Variants in CDK13 observed in about 807,000 individuals in gnomAD.
The protein encoded by CDK13 is cyclin dependent kinase 13, also known as cyclin-dependent kinase 13.
In CDK13, 40 loss-of-function variants were observed where a neutral mutation model predicts 137.6. The observed-to-expected ratio is 0.29, with a 90% CI of 0.23 to 0.38. The LOEUF is 0.38. Ranked by LOEUF, CDK13 falls within the 10% of genes least tolerant of loss-of-function variation. CDK13 has a pLI of 1.00. For synonymous variants in CDK13, 869 were observed against 760.1 expected (o/e 1.14, Z -2.36); for missense variants, 1,704 against 1,951.8 (o/e 0.87, Z 2.39).
chr7:40,059,767 G>T (rs1381424941), intron 7 of CDK13, among the ~76,000 whole-genome samples: 1 of 152,118 alleles, frequency 6.6e-6, no homozygotes, highest in Non-Finnish European at 1.5e-5. Flanking sequence ...TTAGAGTGTG[G>T]TACTTTTTGT....
intron 7 of CDK13, among the ~76,000 whole-genome samples, chr7:40,058,410 C>T (rs897462592): frequency 2.6e-5 from 4 of 151,970 alleles, no homozygotes; most frequent in Admixed American, 1.3e-4. Flanking sequence ...CATGGTGGTG[C>T]ATGCCTGTAA....
intron 5 of CDK13, among the ~76,000 whole-genome samples, chr7:40,040,866 G>A (rs1323999474): frequency 2.0e-5 from 3 of 151,878 alleles, no homozygotes; most frequent in Non-Finnish European, 4.4e-5. Context: ...ATGGCTCTCC[G>A]GAGGCCAAAA....
intron 12 of CDK13, among the ~76,000 whole-genome samples, chr7:40,091,163 G>C (rs1786913272): frequency 6.6e-6 from 1 of 151,916 alleles, no homozygotes; most frequent in Non-Finnish European, 1.5e-5. Flanking sequence ...GGCTAACACG[G>C]TGAAATCCCA....
intron 5 of CDK13, among the ~76,000 whole-genome samples, chr7:40,020,325 G>A (rs186405793): frequency 3.0e-4 from 46 of 152,160 alleles, no homozygotes; most frequent in Admixed American, 5.2e-4. Flanking sequence ...ACCTCCTCCC[G>A]GCAAAGCTCT....
chr7:40,055,665 G>A (rs1786001728), intron 7 of CDK13, among the ~76,000 whole-genome samples: 1 of 149,214 alleles, frequency 6.7e-6, no homozygotes, highest in South Asian at 2.1e-4. Flanking sequence ...TGCAACCTCT[G>A]CCTCCTGGGT....
intron 5 of CDK13, among the ~76,000 whole-genome samples, chr7:40,043,030 G>A (rs1023095776): frequency 1.3e-5 from 2 of 152,128 alleles, no homozygotes; most frequent in Non-Finnish European, 2.9e-5. Flanking sequence ...CTCTCGCCCC[G>A]ATCTCCCAAA....
In CDK13 at chr7:39,951,827, C is replaced by T. The variant is rs2116073754; in HGVS notation, c.1186C>T (p.Arg396Cys). The T allele has an allele frequency of 2.1e-6, 3 of 1,456,264 alleles. No individual in the cohort carries two copies. The highest frequency in any genetic ancestry group is 2.7e-6 in the Non-Finnish European group (3 of 1,113,708). The allele number at this position is 1,456,264 out of a possible 1,614,324, so 90.2% of individuals were successfully genotyped here. A position where few individuals can be genotyped will look rare whatever the true frequency, so the allele number is the denominator to read the frequency against. ...CAGCAGCAGCAGCTGGCGCCGCTCT[C>T]GCAGTCCCTACAGCCCTGTGCTCAG... ...PYSSSSWRRS[R>C]SPYSPVLRRS... The change falls in exon 1 of 14, where the codon CGC becomes TGC. Residue 396 changes from arginine to cysteine, a missense_variant. This residue lies in a region of CDK13 where 1,051 missense variants were observed against 931.0 expected (regional missense o/e 1.13). Coordinates refer to ENST00000181839, the MANE Select transcript of CDK13 (RefSeq NM_003718.5).
chr7:39,996,660 T>C (rs1562719086), intron 2 of CDK13, among the ~76,000 whole-genome samples: 1 of 152,168 alleles, frequency 6.6e-6, no homozygotes, highest in Non-Finnish European at 1.5e-5. Context: ...CTTTTATTTC[T>C]TACGGTAAAA....
At chr7:40,030,160 A>G (rs890520918) in intron 5 of CDK13, among the ~76,000 whole-genome samples, 1 of 152,088 alleles carries the variant, frequency 6.6e-6, no homozygotes, top group African/African-American at 2.4e-5. Flanking sequence ...TATAGCCACT[A>G]TACACTATAT....
chr7:39,953,774 C>G (rs1442362701), intron 1 of CDK13, among the ~76,000 whole-genome samples: 1 of 152,166 alleles, frequency 6.6e-6, no homozygotes, highest in East Asian at 1.9e-4. Flanking sequence ...TTTAGGGTGT[C>G]TTGGCTAACA....
rs1310831190 is a variant in CDK13, at chr7:40,098,402, A to G, written c.*3422A>G. 6.6e-6 allele frequency: 1 copy of G among 151,692 alleles called. No individual in the cohort carries two copies. The highest frequency in any genetic ancestry group is 1.5e-5 in the Non-Finnish European group (1 of 67,906). The allele number at this position is 151,692 out of a possible 1,614,324, so 9.4% of individuals were successfully genotyped here. On this transcript the variant is annotated 3_prime_UTR_variant, in exon 14 of 14. Coordinates refer to ENST00000181839, the MANE Select transcript of CDK13 (RefSeq NM_003718.5). ...TTTTATTTTTTCTTTTTTTAGGGGA[A>G]GGGGACTTGCTTTCTTTTCCAAAAA...
chr7:40,063,811 C>T (rs955509068), intron 9 of CDK13, among the ~76,000 whole-genome samples: 5 of 151,866 alleles, frequency 3.3e-5, no homozygotes, highest in African/African-American at 1.2e-4. Flanking sequence ...GTGCCCACCA[C>T]CATGCCCAGC....
chr7:40,016,019 T>C (rs1461797826), intron 5 of CDK13, among the ~76,000 whole-genome samples: 1 of 152,192 alleles, frequency 6.6e-6, no homozygotes, highest in Non-Finnish European at 1.5e-5. Flanking sequence ...ACTGTTGAGA[T>C]TGAGATAACT....
rs991565634 is a variant in CDK13, at chr7:40,001,279, G to T, written c.2183-582G>T. On this transcript the variant is annotated intron_variant, in intron 4 of 13. Coordinates refer to ENST00000181839, the MANE Select transcript of CDK13 (RefSeq NM_003718.5). ...TGCCAGGGCTGGAGTGCAGAGTGCA[G>T]TGGCGTGTCGTGATCTTGGCTCACT... 7.9e-5 allele frequency among the ~76,000 whole-genome samples: 12 copies of T among 151,242 alleles called. No homozygotes were observed. In the East Asian group the frequency reaches 2.3e-3, roughly 29 times the overall value.
At chr7:40,002,589 G>A (rs528005695) in intron 5 of CDK13, among the ~76,000 whole-genome samples, 33 of 152,132 alleles carry the variant, frequency 2.2e-4, no homozygotes, top group Non-Finnish European at 3.4e-4. Flanking sequence ...TCTACTGTTG[G>A]TATGTTTTAC....
Position 39,964,874 on chromosome 7 carries a change from G to T in CDK13, c.1211+13022G>T, listed in dbSNP as rs1192464319. Among the ~76,000 whole-genome samples, 3 of 151,998 alleles carry T rather than the reference G, an allele frequency of 2.0e-5. No homozygotes were observed. In the East Asian group the frequency reaches 5.8e-4, roughly 29 times the overall value. On this transcript the variant is annotated intron_variant, in intron 1 of 13. Transcript: ENST00000181839. ...ACATCTTTATTTCTGCCTTCATTTC[G>T]TTATGTATCCAGTAGTCATTCAGCA...
intron 2 of CDK13, among the ~76,000 whole-genome samples, chr7:39,992,863 G>C (rs1174288145): frequency 6.6e-6 from 1 of 151,984 alleles, no homozygotes; most frequent in Non-Finnish European, 1.5e-5. Context: ...CAGTTTTTTA[G>C]CCAGAATATT....
At position 39,950,482 on chromosome 7, in the gene CDK13, G is replaced by A; in HGVS notation, c.-160G>A. On this transcript the variant is annotated 5_prime_UTR_variant, in exon 1 of 14. Transcript: ENST00000181839. Reference sequence around the variant, plus strand: ...TACCCCACTGTGACCTGGAACCCAGGGACCCGAGTCCCGACCCGGATTATC... The same window carrying A: ...TACCCCACTGTGACCTGGAACCCAGAGACCCGAGTCCCGACCCGGATTATC... 4.0e-6 allele frequency: 5 copies of A among 1,257,446 alleles called. No homozygotes were observed. The highest frequency in any genetic ancestry group is 3.1e-5 in the South Asian group (1 of 32,400). The allele number at this position is 1,257,446 out of a possible 1,614,324, so 77.9% of individuals were successfully genotyped here. A position where few individuals can be genotyped will look rare whatever the true frequency, so the allele number is the denominator to read the frequency against.
chr7:39,966,945 A>G (rs1335105920), intron 1 of CDK13, among the ~76,000 whole-genome samples: 2 of 152,044 alleles, frequency 1.3e-5, no homozygotes, highest in African/African-American at 2.4e-5. Context: ...TGAACAGTAA[A>G]TGTTGCTGCC....
Sources: allele counts gnomAD v4.1 joint callset (sites outside exome capture counted in the v4.1 genomes callset), GRCh38; gene constraint gnomAD v4.1.1; regional missense constraint gnomAD v4.1.1; transcripts MANE v1.5; gene names NCBI Gene and HGNC (gene_info 2026-07-23, HGNC 2026-07-21).